Variants in FRMD4A observed in about 807,000 individuals in gnomAD.
The protein encoded by FRMD4A is FERM domain containing 4A, also known as FERM domain-containing protein 4A.
A neutral mutation model predicts 129.1 loss-of-function variants in FRMD4A; 29 were observed. The observed-to-expected ratio is 0.22, with a 90% CI of 0.17 to 0.31. The LOEUF (loss-of-function observed/expected upper bound fraction) is 0.31, where lower values mean the gene tolerates loss of function less well. Ranked by LOEUF, FRMD4A falls within the 10% of genes least tolerant of loss-of-function variation. The probability of loss-of-function intolerance (pLI) is 1.00; values close to 1 mark genes in which losing one functional copy is unlikely to be tolerated. For missense variants in FRMD4A, 1,272 were observed against 1,375.8 expected, an observed-to-expected ratio of 0.92 and a Z score of 1.19; for synonymous variants, 634 against 571.6, an observed-to-expected ratio of 1.11 and a Z score of -1.56.
intron 12 of FRMD4A, among the ~76,000 whole-genome samples, chr10:13,724,471 G>A (rs925507209): frequency 6.6e-6 from 1 of 152,170 alleles, no homozygotes; most frequent in East Asian, 1.9e-4. Flanking sequence ...CTTCCAGCTA[G>A]AGAAACCAGA....
chr10:13,700,252 C>G (rs1207566434), intron 14 of FRMD4A, among the ~76,000 whole-genome samples: 2 of 143,142 alleles, frequency 1.4e-5, no homozygotes, highest in African/African-American at 2.6e-5. Context: ...CCAGCCCTGT[C>G]CTCTTTTCTT....
chr10:13,763,615 G>A (rs1027313087), intron 6 of FRMD4A, among the ~76,000 whole-genome samples: 54 of 152,164 alleles, frequency 3.5e-4, no homozygotes, highest in African/African-American at 8.4e-4. Context: ...ATCTAGGGAC[G>A]TGGTCTTCAA....
chr10:13,735,049 T>G (rs2090555107), intron 12 of FRMD4A, among the ~76,000 whole-genome samples: 1 of 152,150 alleles, frequency 6.6e-6, no homozygotes, highest in Admixed American at 6.5e-5. Flanking sequence ...AATTTTGTAT[T>G]TTTAGTAGAG....
intron 2 of FRMD4A, among the ~76,000 whole-genome samples, chr10:14,161,758 A>G (rs569294105): frequency 2.0e-5 from 3 of 152,318 alleles, no homozygotes; most frequent in African/African-American, 7.2e-5. Flanking sequence ...ATAGCACAGT[A>G]GGGTGATGAT....
intron 2 of FRMD4A, among the ~76,000 whole-genome samples, chr10:14,260,162 C>T (rs528914602): frequency 1.2e-4 from 18 of 152,232 alleles, no homozygotes; most frequent in African/African-American, 3.9e-4. Context: ...CCAGAGCCCT[C>T]GGCAGGTGCA....
At chr10:13,816,997 G>A (rs1473654932) in intron 3 of FRMD4A, among the ~76,000 whole-genome samples, 1 of 152,190 alleles carries the variant, frequency 6.6e-6, no homozygotes, top group Non-Finnish European at 1.5e-5. Context: ...CAATCAAATA[G>A]TTTCTCTCTT....
In FRMD4A at chr10:14,012,714, C is replaced by T. The variant is rs192329156; in HGVS notation, c.46-153802G>A. ...CCTGATGGAATCCTGGGTGCTGGCA[C>T]GGACATGCAGCCTGGTCATTGCAGC... On this transcript the variant is annotated intron_variant, in intron 2 of 24. Coordinates refer to ENST00000357447, the MANE Select transcript of FRMD4A (RefSeq NM_018027.5). Among the ~76,000 whole-genome samples, 42 of 152,236 alleles carry T rather than the reference C, an allele frequency of 2.8e-4. No homozygotes were observed. The East Asian group carries it at 4.2e-3, about 15-fold the overall frequency.
chr10:14,261,941 AACACAC>A (rs55763234), intron 2 of FRMD4A, among the ~76,000 whole-genome samples: 7,379 of 128,240 alleles, frequency 0.058, 224 homozygotes, highest in South Asian at 0.1. Context: ...CACCACACCA[AACACAC>A]ACACACACAC....
chr10:14,194,489 T>G (rs1045925561), intron 2 of FRMD4A, among the ~76,000 whole-genome samples: 1 of 152,202 alleles, frequency 6.6e-6, no homozygotes, highest in Non-Finnish European at 1.5e-5. Flanking sequence ...CAGGCACCTA[T>G]AGTCCCAGCT....
At chr10:13,707,352 A>T in intron 12 of FRMD4A, 1 of 1,232,260 alleles carries the variant, frequency 8.1e-7, no homozygotes, top group Non-Finnish European at 1.0e-6. Flanking sequence ...TAACTGGAAC[A>T]AAACAAGTTC....
At chr10:13,777,226 A>C (rs1435314477) in intron 6 of FRMD4A, among the ~76,000 whole-genome samples, 1 of 152,250 alleles carries the variant, frequency 6.6e-6, no homozygotes, top group African/African-American at 2.4e-5. Context: ...GCCATCCCCC[A>C]GTCCTTTGTC....
chr10:13,948,902 G>C (rs1036378161), intron 2 of FRMD4A, among the ~76,000 whole-genome samples: 1 of 150,812 alleles, frequency 6.6e-6, no homozygotes, highest in Non-Finnish European at 1.5e-5. Flanking sequence ...TGCCCGCCTC[G>C]GCCTCCCAAA....
At chr10:13,833,173 T>C (rs1044193979) in intron 3 of FRMD4A, among the ~76,000 whole-genome samples, 1 of 152,108 alleles carries the variant, frequency 6.6e-6, no homozygotes, top group African/African-American at 2.4e-5. Flanking sequence ...AATAAAGACA[T>C]ACCTGAGACT....
At chr10:14,123,946 T>C (rs916729147) in intron 2 of FRMD4A, among the ~76,000 whole-genome samples, 2 of 152,142 alleles carry the variant, frequency 1.3e-5, no homozygotes, top group African/African-American at 2.4e-5. Context: ...CTGCAACCCA[T>C]TTGCTCCTCC....
At chr10:14,202,378 T>A (rs1431956701) in intron 2 of FRMD4A, among the ~76,000 whole-genome samples, 1 of 152,154 alleles carries the variant, frequency 6.6e-6, no homozygotes, top group Non-Finnish European at 1.5e-5. Flanking sequence ...AACACCTGGT[T>A]AGTTTTTAGT....
intron 2 of FRMD4A, among the ~76,000 whole-genome samples, chr10:14,149,333 T>C (rs562846328): frequency 1.3e-5 from 2 of 152,266 alleles, no homozygotes; most frequent in African/African-American, 4.8e-5. Context: ...TCCCTGCTCA[T>C]CTTTTATTTA....
At chr10:13,679,194 C>T (rs1361573267) in intron 15 of FRMD4A, among the ~76,000 whole-genome samples, 5 of 151,024 alleles carry the variant, frequency 3.3e-5, no homozygotes, top group Non-Finnish European at 7.4e-5. Context: ...GAGGCTGAGG[C>T]AGGTGGGTCA....
At chr10:13,715,432 T>C (rs2088683898) in intron 12 of FRMD4A, among the ~76,000 whole-genome samples, 1 of 152,208 alleles carries the variant, frequency 6.6e-6, no homozygotes, top group Admixed American at 6.5e-5. Context: ...AAAGCATGGT[T>C]TTCAACGTCA....
At chr10:14,016,760 T>C (rs1161553467) in intron 2 of FRMD4A, among the ~76,000 whole-genome samples, 1 of 152,226 alleles carries the variant, frequency 6.6e-6, no homozygotes. Context: ...ATCTGCTGCA[T>C]GGAAACCTCA....
Sources: allele counts gnomAD v4.1 joint callset (sites outside exome capture counted in the v4.1 genomes callset), GRCh38; gene constraint gnomAD v4.1.1; transcripts MANE v1.5; gene names NCBI Gene and HGNC (gene_info 2026-07-23, HGNC 2026-07-21).